The following CDC14B variants were observed in gnomAD, a reference collection of about 807,000 sequenced individuals.
The protein encoded by CDC14B is cell division cycle 14B.
Under a neutral mutation model 64.2 loss-of-function variants are expected in CDC14B, and 22 were observed. The observed-to-expected ratio is 0.34, with a 90% CI of 0.24 to 0.49. The LOEUF is 0.49. CDC14B is among the 20% of genes least tolerant of loss of function. The probability of loss-of-function intolerance (pLI) is 0.99; values close to 1 mark genes in which losing one functional copy is unlikely to be tolerated. For synonymous variants in CDC14B, 191 were observed against 215.8 expected (o/e 0.89, Z 1.01); for missense variants, 498 against 629.9 (o/e 0.79, Z 2.24).
At chr9:96,513,848 T>C (rs1449793279) in intron 12 of CDC14B, among the ~76,000 whole-genome samples, 1 of 152,204 alleles carries the variant, frequency 6.6e-6, no homozygotes, top group Admixed American at 6.5e-5. Context: ...TCTCCAGGCA[T>C]GCTGCATAAC....
chr9:96,599,443 T>A (rs1846287304), intron 1 of CDC14B, among the ~76,000 whole-genome samples: 1 of 151,296 alleles, frequency 6.6e-6, no homozygotes, highest in Admixed American at 6.6e-5. Context: ...GATTTTGAAA[T>A]CAATGAATTA....
At chr9:96,498,426 T>C (rs1351060873), downstream of CDC14B, among the ~76,000 whole-genome samples, 1 of 152,130 alleles carries the variant, frequency 6.6e-6, no homozygotes. Flanking sequence ...TGTATTTCAG[T>C]CCACTGAGGG....
At chr9:96,560,465 C>G (rs1187028469) in intron 4 of CDC14B, among the ~76,000 whole-genome samples, 1 of 152,146 alleles carries the variant, frequency 6.6e-6, no homozygotes, top group Non-Finnish European at 1.5e-5. Flanking sequence ...TTATGTTAAT[C>G]TATGAGGTTC....
chr9:96,616,826 G>A (rs1191770675), intron 1 of CDC14B, among the ~76,000 whole-genome samples: 2 of 152,146 alleles, frequency 1.3e-5, no homozygotes, highest in Non-Finnish European at 2.9e-5. Context: ...AACACGTTGA[G>A]AAGGAAGGGA....
intron 1 of CDC14B, among the ~76,000 whole-genome samples, chr9:96,603,155 G>GGGACACAC: frequency 7.2e-6 from 1 of 138,146 alleles, no homozygotes. Context: ...GATAGAAACG[G>GGGACACAC]ACACACACAC....
intron 4 of CDC14B, among the ~76,000 whole-genome samples, chr9:96,552,675 G>C (rs1841981460): frequency 6.6e-6 from 1 of 152,042 alleles, no homozygotes; most frequent in East Asian, 1.9e-4. Flanking sequence ...GTTTGTTCTA[G>C]AAATCTGCAG....
chr9:96,503,741 A>C lies in CDC14B; in HGVS notation c.*12T>G. The C allele has an allele frequency of 6.2e-7, 1 of 1,612,436 alleles. No homozygotes were observed. The highest frequency in any genetic ancestry group is 2.2e-5 in the East Asian group (1 of 44,870). Reference sequence around the variant, plus strand: ...CTAGAGTCTTCCTTCAGCTCTGGTCACAGGTTTTTACTTAACGCAAGACTG... The same window carrying C: ...CTAGAGTCTTCCTTCAGCTCTGGTCCCAGGTTTTTACTTAACGCAAGACTG... On this transcript the variant is annotated 3_prime_UTR_variant, in exon 14 of 14. Coordinates refer to ENST00000375241, the MANE Select transcript of CDC14B (RefSeq NM_033331.4).
intron 1 of CDC14B, among the ~76,000 whole-genome samples, chr9:96,588,221 C>T (rs1253628804): frequency 2.0e-5 from 3 of 152,108 alleles, no homozygotes; most frequent in Non-Finnish European, 2.9e-5. Flanking sequence ...TATTAACCCA[C>T]GCAGGGCTTT....
In CDC14B at chr9:96,539,154, G is replaced by T. The variant is rs779201194; in HGVS notation, c.565-14C>A. On this transcript the variant is annotated splice_polypyrimidine_tract_variant and intron_variant, in intron 6 of 13. Transcript: ENST00000375241. ...ATACTGCATTGCCTAAAATCCAAAAGAAAGCTTTTAAGAACAAGGATGCAA... is the reference window on the plus strand; with the variant it reads ...ATACTGCATTGCCTAAAATCCAAAATAAAGCTTTTAAGAACAAGGATGCAA... 1.3e-6 allele frequency: 2 copies of T among 1,581,694 alleles called. No homozygotes were observed. The highest frequency in any genetic ancestry group is 3.4e-5 in the Admixed American group (2 of 58,826).
chr9:96,579,905 T>C (rs1845042900), intron 1 of CDC14B, among the ~76,000 whole-genome samples: 1 of 152,132 alleles, frequency 6.6e-6, no homozygotes, highest in South Asian at 2.1e-4. Context: ...TTTTTATCTT[T>C]TCTGTAACTC....
intron 12 of CDC14B, among the ~76,000 whole-genome samples, chr9:96,516,852 T>C (rs1437645489): frequency 1.3e-5 from 2 of 151,402 alleles, no homozygotes; most frequent in Non-Finnish European, 2.9e-5. Context: ...AGTGCAGTGG[T>C]GTGATCTCGG....
chr9:96,527,209 C>T (rs1837694528), intron 9 of CDC14B, among the ~76,000 whole-genome samples: 1 of 151,916 alleles, frequency 6.6e-6, no homozygotes, highest in Non-Finnish European at 1.5e-5. Context: ...ACCATCCTGG[C>T]TAACACAGTG....
At chr9:96,570,456 A>G (rs1234229418) in intron 1 of CDC14B, among the ~76,000 whole-genome samples, 2 of 152,176 alleles carry the variant, frequency 1.3e-5, no homozygotes, top group African/African-American at 4.8e-5. Flanking sequence ...CCCTACAGCT[A>G]GGGGAAGTCA....
At position 96,537,591 on chromosome 9, in the gene CDC14B, T is replaced by C. The variant is rs17426053; in HGVS notation, c.627+1487A>G. Among the ~76,000 whole-genome samples the C allele has an allele frequency of 5.3e-3, 805 of 152,340 alleles. 15 individuals carry two copies. Among genetic ancestry groups the C allele is most frequent in the Admixed American group, 0.046 (701 of 15,304 alleles). ...TCAAAGTTGCTGGTGGCCATCTTTATCACTACTGGAGAAGGCTGGCCTGAG... is the reference window on the plus strand; with the variant it reads ...TCAAAGTTGCTGGTGGCCATCTTTACCACTACTGGAGAAGGCTGGCCTGAG... On this transcript the variant is annotated intron_variant, in intron 7 of 13. Coordinates refer to ENST00000375241, the MANE Select transcript of CDC14B (RefSeq NM_033331.4).
At chr9:96,531,700 G>A (rs57519517) in intron 9 of CDC14B, among the ~76,000 whole-genome samples, 2 of 151,692 alleles carry the variant, frequency 1.3e-5, no homozygotes, top group Non-Finnish European at 2.9e-5. Flanking sequence ...ACTTGCAAAC[G>A]ACAAATTATT....
chr9:96,605,994 T>C (rs573689067), intron 1 of CDC14B, among the ~76,000 whole-genome samples: 1 of 152,070 alleles, frequency 6.6e-6, no homozygotes, highest in East Asian at 1.9e-4. Context: ...TTTATAGCAT[T>C]AAACAACAAA....
chr9:96,584,005 A>AC (rs1845326176), intron 1 of CDC14B, among the ~76,000 whole-genome samples: 1 of 152,144 alleles, frequency 6.6e-6, no homozygotes, highest in East Asian at 1.9e-4. Context: ...GGCATGAGCC[A>AC]CCGCGCCTGG....
At chr9:96,564,005 T>C (rs1256559837) in intron 3 of CDC14B, among the ~76,000 whole-genome samples, 2 of 152,224 alleles carry the variant, frequency 1.3e-5, no homozygotes, top group Non-Finnish European at 2.9e-5. Context: ...GAATTTTTAA[T>C]TAAAGCATGT....
intron 1 of CDC14B, chr9:96,618,758 A>G: frequency 5.4e-6 from 2 of 367,162 alleles, no homozygotes; most frequent in South Asian, 2.0e-5. Flanking sequence ...AACGCCAAAA[A>G]GGGGCAGCTC....
Sources: allele counts gnomAD v4.1 joint callset (sites outside exome capture counted in the v4.1 genomes callset), GRCh38; gene constraint gnomAD v4.1.1; transcripts MANE v1.5; gene names NCBI Gene and HGNC (gene_info 2026-07-23, HGNC 2026-07-21).